Variants in MLIP observed in about 807,000 individuals in gnomAD.
The protein encoded by MLIP is muscular LMNA-interacting protein.
A neutral mutation model predicts 84.8 loss-of-function variants in MLIP; 79 were observed. The ratio of observed to expected loss-of-function variants is 0.93; its 90% CI spans 0.78 to 1.12. MLIP has a LOEUF of 1.12. Ranked by LOEUF, MLIP falls within the 50% of genes most tolerant of loss-of-function variation. MLIP has a pLI of 0.00. For missense variants in MLIP, 1,257 were observed against 1,160.6 expected (o/e 1.08, Z -1.21); for synonymous variants, 504 against 463.0 (o/e 1.09, Z -1.14).
At position 54,048,585 on chromosome 6, in the gene MLIP, AT is replaced by A. The variant is rs139421141; in HGVS notation, c.63+29496del. On this transcript the variant is annotated intron_variant, in intron 1 of 12. Coordinates refer to the MLIP transcript ENST00000274897. Reference sequence around the variant, plus strand: ...AAAGATGTTTATGGGAAACAAAGCCATTGAGGGAAGGGGCAGCCATCAGTTA... The same window carrying A: ...AAAGATGTTTATGGGAAACAAAGCCATGAGGGAAGGGGCAGCCATCAGTTA... 7.8e-3 allele frequency among the ~76,000 whole-genome samples: 1,183 copies of A among 152,300 alleles called. 12 individuals are homozygous for A. The highest frequency in any genetic ancestry group is 0.027 in the Middle Eastern group (8 of 294).
chr6:54,133,643 G>T (rs947837291), intron 3 of MLIP, among the ~76,000 whole-genome samples: 1 of 152,150 alleles, frequency 6.6e-6, no homozygotes, highest in African/African-American at 2.4e-5. Context: ...GTTTATTTTA[G>T]ATTTACAGGC....
rs76636386 is a variant in MLIP, at chr6:54,249,859, G to T, written c.2923-7449G>T. On this transcript the variant is annotated intron_variant, in intron 12 of 13. Coordinates refer to ENST00000502396, the MANE Select transcript of MLIP (RefSeq NM_001281747.2). ...AGGTTTGTTACATAGGTAAATGTAC[G>T]TTAAGGGGATTTGTCATACAGATTA... Among the ~76,000 whole-genome samples, 1,245 of 151,966 alleles carry T rather than the reference G, an allele frequency of 8.2e-3. 18 individuals carry two copies. Among genetic ancestry groups the T allele is most frequent in the African/African-American group, 0.028 (1,167 of 41,432 alleles).
Position 54,137,537 on chromosome 6 carries a change from T to A in MLIP, c.1468T>A (p.Ser490Thr), listed in dbSNP as rs139885188. Residue 490 changes from serine (S) to threonine (T), a missense_variant, in exon 4 of 14, where the codon TCT becomes ACT. Ser to Thr is a moderately conservative substitution (Grantham distance 58). Coordinates refer to ENST00000502396, the MANE Select transcript of MLIP (RefSeq NM_001281747.2). The part of the protein sequence containing the change: ...ELQVSELTQQ[S>T]FHLPVFTKST... Reference sequence around the variant, plus strand: ...CCAGGTTTCTGAATTGACCCAGCAATCTTTTCACCTGCCTGTTTTCACCAA... The same window carrying A: ...CCAGGTTTCTGAATTGACCCAGCAAACTTTTCACCTGCCTGTTTTCACCAA... The A allele has an allele frequency of 1.9e-3, 2,858 of 1,536,090 alleles. 64 individuals are homozygous for A. The East Asian group carries it at 0.049, about 26-fold the overall frequency.
intron 11 of MLIP, chr6:54,215,348 C>T (rs1280885521): frequency 5.7e-5 from 75 of 1,310,468 alleles, no homozygotes; most frequent in Non-Finnish European, 7.2e-5. Flanking sequence ...TACTGAACTT[C>T]AATTTTATCC....
chr6:54,194,724 C>T (rs1348626912), intron 10 of MLIP, among the ~76,000 whole-genome samples: 1 of 151,262 alleles, frequency 6.6e-6, no homozygotes, highest in Non-Finnish European at 1.5e-5. Flanking sequence ...TCATTAGGTT[C>T]TCGAATCACC....
intron 13 of MLIP, among the ~76,000 whole-genome samples, chr6:54,261,449 T>C (rs1783384897): frequency 6.6e-6 from 1 of 152,080 alleles, no homozygotes; most frequent in Admixed American, 6.6e-5. Flanking sequence ...GAGCTAATCG[T>C]TCACTAGCTG....
At chr6:54,165,057 T>C (rs577984449) in intron 8 of MLIP, among the ~76,000 whole-genome samples, 1 of 152,082 alleles carries the variant, frequency 6.6e-6, no homozygotes, top group East Asian at 1.9e-4. Flanking sequence ...CCATGGAAAC[T>C]CAAATTTCCC....
At chr6:54,224,861 C>A (rs1241267997) in intron 11 of MLIP, among the ~76,000 whole-genome samples, 1 of 152,150 alleles carries the variant, frequency 6.6e-6, no homozygotes, top group African/African-American at 2.4e-5. Flanking sequence ...TGAGTTACTT[C>A]ACTTAGAATA....
At chr6:54,148,349 C>T (rs1178912397) in intron 4 of MLIP, among the ~76,000 whole-genome samples, 2 of 152,142 alleles carry the variant, frequency 1.3e-5, no homozygotes, top group African/African-American at 4.8e-5. Flanking sequence ...AGATATTCTA[C>T]AACACTGAAC....
At chr6:54,145,942 G>A (rs147258000) in intron 4 of MLIP, among the ~76,000 whole-genome samples, 120 of 152,246 alleles carry the variant, frequency 7.9e-4, no homozygotes, top group African/African-American at 2.7e-3. Context: ...TATGATTTGA[G>A]TGAAGATAAA....
intron 1 of MLIP, among the ~76,000 whole-genome samples, chr6:54,091,615 G>A (rs2150372700): frequency 6.6e-6 from 1 of 152,230 alleles, no homozygotes; most frequent in Admixed American, 6.5e-5. Context: ...TTCCTAAAAT[G>A]ATCATTATTA....
chr6:54,217,155 G>A, intron 11 of MLIP: 3 of 985,400 alleles, frequency 3.0e-6, no homozygotes, highest in Non-Finnish European at 3.6e-6. Flanking sequence ...GGTACTCTGA[G>A]TTCACAAAGG....
At chr6:54,187,038 T>G (rs1164296383) in intron 9 of MLIP, among the ~76,000 whole-genome samples, 1 of 152,124 alleles carries the variant, frequency 6.6e-6, no homozygotes, top group Admixed American at 6.6e-5. Flanking sequence ...ATTTAAAAAA[T>G]AATCCCTACC....
At chr6:54,073,542 T>C (rs1434375153) in intron 1 of MLIP, among the ~76,000 whole-genome samples, 2 of 152,200 alleles carry the variant, frequency 1.3e-5, no homozygotes, top group African/African-American at 4.8e-5. Flanking sequence ...CCCAAGTTTA[T>C]GGATTTTAGA....
chr6:54,183,273 G>A (rs1351649458), intron 9 of MLIP, among the ~76,000 whole-genome samples: 1 of 152,144 alleles, frequency 6.6e-6, no homozygotes, highest in Non-Finnish European at 1.5e-5. Context: ...TTCAAGGTAG[G>A]ATGATGCCAG....
In MLIP at chr6:54,089,458, G is replaced by A. The variant is rs143472853; in HGVS notation, c.64-31989G>A. ...TTCTTTTCAAGGAGTACAGAATGTC[G>A]CTCAATATACATTTCGATTTTGAGC... is the stretch of plus-strand genomic sequence containing the variant. On this transcript the variant is annotated intron_variant, in intron 1 of 12. Transcript: ENST00000274897. 4.6e-3 allele frequency among the ~76,000 whole-genome samples: 694 copies of A among 152,052 alleles called. 6 individuals carry two copies. The highest frequency in any genetic ancestry group is 0.01 in the Middle Eastern group (3 of 294).
At position 54,111,512 on chromosome 6, in the gene MLIP, C is replaced by T. The variant is rs747119291; in HGVS notation, c.33C>T (p.Cys11=). 41 of 1,535,842 alleles carry T rather than the reference C, an allele frequency of 2.7e-5. No homozygotes were observed. Among genetic ancestry groups the T allele is most frequent in the East Asian group, 1.7e-4 (7 of 40,924 alleles). Residue 11 remains cysteine, a synonymous_variant, in exon 1 of 14, where the codon TGC becomes TGT. Transcript: ENST00000502396. MLSEQGLLSD[C]GNNYFQMTSC... is the part of the protein sequence containing the mutation. ...CAGAACAGGGGCTTCTGAGTGACTG[C>T]GGGAACAATTACTTCCAAATGACCT...
In MLIP at chr6:54,121,586, C is replaced by T. The variant is rs1415650513; in HGVS notation, c.236C>T (p.Pro79Leu). Residue 79 changes from proline to leucine, a missense_variant, in exon 2 of 14, where the codon CCA (proline) becomes CTA (leucine). Coordinates refer to ENST00000502396, the MANE Select transcript of MLIP (RefSeq NM_001281747.2). ...KIPEESSDKS[P>L]ETVNRSKSND... ...CCAGAAGAATCAAGTGATAAGAGTC[C>T]AGAAACTGTAAATAGGGTAGGATTA... 2.5e-6 allele frequency: 4 copies of T among 1,607,458 alleles called. No individual in the cohort carries two copies. Among genetic ancestry groups the T allele is most frequent in the South Asian group, 1.1e-5 (1 of 89,362 alleles).
intron 9 of MLIP, among the ~76,000 whole-genome samples, chr6:54,173,224 A>G (rs975833494): frequency 4.0e-5 from 6 of 151,640 alleles, no homozygotes; most frequent in African/African-American, 1.2e-4. Context: ...GCAAAACCCA[A>G]CCCAGATTTT....
Sources: gnomAD v4.1 joint callset for allele counts (sites outside exome capture counted in the v4.1 genomes callset) on GRCh38, gnomAD v4.1.1 for gene constraint, MANE v1.5 for transcripts, NCBI Gene and HGNC (gene_info 2026-07-23, HGNC 2026-07-21) for gene names.